Variants in FBXO9 observed in about 807,000 individuals in gnomAD.
FBXO9 encodes F-box protein 9.
FBXO9 carries 43 observed loss-of-function variants against 63.7 expected under a neutral mutation model. That is an observed-to-expected ratio of 0.67 (90% CI 0.53 to 0.87). The LOEUF is 0.87. Ranked by LOEUF, FBXO9 falls within the 40% of genes least tolerant of loss-of-function variation. The probability of loss-of-function intolerance (pLI) is 0.00; values close to 1 mark genes in which losing one functional copy is unlikely to be tolerated. For synonymous variants in FBXO9, 156 were observed against 171.7 expected (o/e 0.91, Z 0.72); for missense variants, 442 against 533.2 (o/e 0.83, Z 1.68).
intron 7 of FBXO9, 116 bp from the exon 8 acceptor site, chr6:53,092,313 A>G: frequency 1.4e-6 from 1 of 716,430 alleles, no homozygotes; most frequent in Non-Finnish European, 2.4e-6. Flanking sequence ...TCCTCAGAAC[A>G]GTGCCTCCCA....
intron 5 of FBXO9, 57 bp downstream of exon 5, chr6:53,078,955 T>G: frequency 1.6e-6 from 2 of 1,261,936 alleles, no homozygotes; most frequent in Non-Finnish European, 2.3e-6. Context: ...TTAAGCATCT[T>G]TGCCCTGTTG....
At chr6:53,086,309 G>A (rs1485171582) in intron 7 of FBXO9, among the ~76,000 whole-genome samples, 1 of 152,182 alleles carries the variant, frequency 6.6e-6, no homozygotes, top group African/African-American at 2.4e-5. Flanking sequence ...TAACCATACT[G>A]ATAATCAAAA....
Position 53,098,307 on chromosome 6 carries a change from C to A in FBXO9, c.*477C>A. On this transcript the variant is annotated 3_prime_UTR_variant, in exon 13 of 13. Coordinates refer to ENST00000323557, the MANE Select transcript of FBXO9 (RefSeq NM_033480.3). ...CACTAAAGGCTCAAAGTGTGAGAACCTGTTCTGGATTTGTTTGAAATTATT... is the reference window on the plus strand; with the variant it reads ...CACTAAAGGCTCAAAGTGTGAGAACATGTTCTGGATTTGTTTGAAATTATT... 5.6e-6 allele frequency: 1 copy of A among 179,910 alleles called. No individual in the cohort carries two copies. 11.1% of individuals were successfully genotyped at this position (179,910 alleles called of 1,614,324 possible). A position where few individuals can be genotyped will look rare whatever the true frequency, so the allele number is the denominator to read the frequency against.
rs930116795 is a variant in FBXO9 at position 53,093,497 on chromosome 6, A to G, written c.895A>G (p.Met299Val). 3.7e-6 allele frequency: 6 copies of G among 1,613,642 alleles called. No individual in the cohort carries two copies. Among genetic ancestry groups the G allele is most frequent in the Non-Finnish European group, 5.1e-6 (6 of 1,179,766 alleles). ...AAGATTCTTTCCTGATGGCCATGTG[A>G]TGATGTTGACAACCCCTGAAGAGCC... is the stretch of plus-strand genomic sequence containing the variant. ...YIRFFPDGHV[M>V]MLTTPEEPQS... Residue 299 changes from methionine (M) to valine (V), a missense_variant, in exon 10 of 13, where the codon ATG becomes GTG. This residue lies in a region of FBXO9 where 262 missense variants were observed against 362.1 expected (regional missense o/e 0.72). Coordinates refer to ENST00000323557, the MANE Select transcript of FBXO9 (RefSeq NM_033480.3).
At chr6:53,067,177 G>A (rs1562061016) in intron 1 of FBXO9, among the ~76,000 whole-genome samples, 1 of 152,122 alleles carries the variant, frequency 6.6e-6, no homozygotes, top group Admixed American at 6.5e-5. Flanking sequence ...GGTGATTTAT[G>A]ATAAACTTTT....
intron 2 of FBXO9, among the ~76,000 whole-genome samples, chr6:53,071,908 C>T (rs1340757345): frequency 6.6e-6 from 1 of 152,162 alleles, no homozygotes; most frequent in East Asian, 1.9e-4. Flanking sequence ...CATCATACAA[C>T]TTAAATATTC....
chr6:53,095,380 T>G, intron 11 of FBXO9, 133 bp from the exon 12 acceptor site: 2 of 741,908 alleles, frequency 2.7e-6, no homozygotes, highest in Non-Finnish European at 4.1e-6. Flanking sequence ...TCATACATTC[T>G]TGTGATAGTC....
Position 53,094,028 on chromosome 6 carries a change from C to T in FBXO9, c.1053+50C>T, listed in dbSNP as rs574595439. On this transcript the variant is annotated intron_variant, in intron 11 of 12. Transcript: ENST00000323557. ...AGTTTTCTTATCTTAATAGCCTATT[C>T]ATCCAAGCAGTCTCGATTAGAACAA... 2.3e-5 allele frequency: 27 copies of T among 1,186,116 alleles called. No homozygotes were observed. In the African/African-American group the frequency reaches 3.7e-4, roughly 16 times the overall value. The allele number at this position is 1,186,116 out of a possible 1,614,324, so 73.5% of individuals were successfully genotyped here.
At chr6:53,069,153 A>G (rs1768820116) in intron 1 of FBXO9, among the ~76,000 whole-genome samples, 2 of 152,232 alleles carry the variant, frequency 1.3e-5, no homozygotes, top group African/African-American at 4.8e-5. Context: ...TAGGACAACT[A>G]AATGTTACTA....
chr6:53,093,427 TG>T (rs757046508), intron 9 of FBXO9, 38 bp from the exon 10 acceptor site: 19 of 1,380,278 alleles, frequency 1.4e-5, no homozygotes, highest in South Asian at 3.5e-5. Context: ...ATACTTTGTG[TG>T]GGGGGTGTGT....
At chr6:53,080,406 G>GTT (rs1267227092) in intron 5 of FBXO9, among the ~76,000 whole-genome samples, 4 of 151,272 alleles carry the variant, frequency 2.6e-5, no homozygotes, top group African/African-American at 9.7e-5. Context: ...CATCTTTAAG[G>GTT]TTTACTTCAG....
chr6:53,098,835 A>G lies in FBXO9; in HGVS notation c.*1005A>G, dbSNP rs1279659145. 6.6e-6 allele frequency: 1 copy of G among 152,192 alleles called. No individual in the cohort carries two copies. The highest frequency in any genetic ancestry group is 1.5e-5 in the Non-Finnish European group (1 of 68,050). The allele number at this position is 152,192 out of a possible 1,614,324, so 9.4% of individuals were successfully genotyped here. A position where few individuals can be genotyped will look rare whatever the true frequency, so the allele number is the denominator to read the frequency against. ...TGAAAGTTGGGGGAGAGCACCAGCC[A>G]CCTAGGAAAACTGTATGTTACCTTT... On this transcript the variant is annotated 3_prime_UTR_variant, in exon 13 of 13. Coordinates refer to ENST00000323557, the MANE Select transcript of FBXO9 (RefSeq NM_033480.3).
At chr6:53,070,561 A>G (rs1768878022) in intron 1 of FBXO9, among the ~76,000 whole-genome samples, 1 of 152,174 alleles carries the variant, frequency 6.6e-6, no homozygotes, top group Non-Finnish European at 1.5e-5. Context: ...AAATAATACA[A>G]ATTAGGAAAA....
chr6:53,078,348 C>T (rs1424714759), intron 4 of FBXO9, among the ~76,000 whole-genome samples: 1 of 152,140 alleles, frequency 6.6e-6, no homozygotes, highest in East Asian at 1.9e-4. Flanking sequence ...GCCCCAGCTA[C>T]TCAGGAGACT....
At chr6:53,093,123 A>G in intron 9 of FBXO9, 2 of 384,480 alleles carry the variant, frequency 5.2e-6, no homozygotes, top group Non-Finnish European at 9.2e-6. Flanking sequence ...TCATTTAGAA[A>G]AAAATAGACA....
intron 4 of FBXO9, among the ~76,000 whole-genome samples, chr6:53,077,348 C>G (rs1002808154): frequency 6.6e-6 from 1 of 150,922 alleles, no homozygotes; most frequent in African/African-American, 2.4e-5. Context: ...TGGCGGGCGC[C>G]TGTAGTCCCA....
At chr6:53,076,218 T>A (rs1769104087) in intron 3 of FBXO9, among the ~76,000 whole-genome samples, 1 of 152,208 alleles carries the variant, frequency 6.6e-6, no homozygotes, top group African/African-American at 2.4e-5. Context: ...TGAATGGTGC[T>A]TTTGGTGTCA....
chr6:53,100,258 C>T lies in FBXO9; in HGVS notation c.*2428C>T, dbSNP rs1197863202. 1 of 152,066 alleles carries T rather than the reference C, an allele frequency of 6.6e-6. No individual in the cohort carries two copies. The highest frequency in any genetic ancestry group is 1.5e-5 in the Non-Finnish European group (1 of 68,028). The allele number at this position is 152,066 out of a possible 1,614,324, so 9.4% of individuals were successfully genotyped here. A position where few individuals can be genotyped will look rare whatever the true frequency, so the allele number is the denominator to read the frequency against. On this transcript the variant is annotated 3_prime_UTR_variant, in exon 13 of 13. Transcript: ENST00000323557. ...TTCTTCTGGTCTTTGCAAATCCTGC[C>T]GTAGAAACTTTTTAACTTCAGGAGT... is the stretch of plus-strand genomic sequence containing the variant.
intron 5 of FBXO9, among the ~76,000 whole-genome samples, chr6:53,080,606 T>A (rs1251937286): frequency 6.6e-6 from 1 of 152,182 alleles, no homozygotes; most frequent in Non-Finnish European, 1.5e-5. Flanking sequence ...TTGGTTTTTA[T>A]CCAGTTAGAA....
Sources: gnomAD v4.1 joint callset for allele counts (sites outside exome capture counted in the v4.1 genomes callset) on GRCh38, gnomAD v4.1.1 for gene constraint, gnomAD v4.1.1 regional missense constraint, MANE v1.5 for transcripts, NCBI Gene and HGNC (gene_info 2026-07-23, HGNC 2026-07-21) for gene names.